The following CPQ variants were observed in gnomAD, a reference collection of about 807,000 sequenced individuals.
CPQ encodes carboxypeptidase Q.
In CPQ, 37 loss-of-function variants were observed where a neutral mutation model predicts 45.7. That is an observed-to-expected ratio of 0.81 (90% CI 0.62 to 1.07). The LOEUF (loss-of-function observed/expected upper bound fraction) is 1.07, where lower values mean the gene tolerates loss of function less well. Ranked by LOEUF, CPQ falls within the 50% of genes least tolerant of loss-of-function variation. The pLI, the probability that CPQ is intolerant of heterozygous loss-of-function variation, is 0.00. For missense variants in CPQ, 537 were observed against 572.9 expected (o/e 0.94, Z 0.64); for synonymous variants, 186 against 205.8 (o/e 0.90, Z 0.82).
intron 5 of CPQ, among the ~76,000 whole-genome samples, chr8:97,016,253 T>C (rs1399347229): frequency 6.6e-6 from 1 of 152,192 alleles, no homozygotes; most frequent in Admixed American, 6.5e-5. Flanking sequence ...CCAGCTGTGC[T>C]ACAAAAGTAG....
intron 1 of CPQ, among the ~76,000 whole-genome samples, chr8:96,722,247 G>C (rs1396568031): frequency 6.6e-6 from 1 of 152,044 alleles, no homozygotes; most frequent in Non-Finnish European, 1.5e-5. Flanking sequence ...TAAATATATA[G>C]GATAACTCTT....
intron 7 of CPQ, among the ~76,000 whole-genome samples, chr8:97,128,527 A>G (rs1487746085): frequency 6.6e-6 from 1 of 152,198 alleles, no homozygotes; most frequent in Non-Finnish European, 1.5e-5. Context: ...TCTACTAAAA[A>G]TACAAAAATT....
chr8:96,882,950 C>T (rs751400767), intron 4 of CPQ, among the ~76,000 whole-genome samples: 5 of 152,138 alleles, frequency 3.3e-5, no homozygotes, highest in Non-Finnish European at 5.9e-5. Context: ...ACCACCCTGC[C>T]CTGGCAGCCA....
intron 7 of CPQ, among the ~76,000 whole-genome samples, chr8:97,082,598 T>TC (rs1810969293): frequency 6.6e-6 from 1 of 152,156 alleles, no homozygotes; most frequent in South Asian, 2.1e-4. Context: ...ACCTAGTCTC[T>TC]CCACTCTCCA....
At chr8:96,693,817 A>G (rs553243194) in intron 1 of CPQ, among the ~76,000 whole-genome samples, 1 of 152,296 alleles carries the variant, frequency 6.6e-6, no homozygotes, top group South Asian at 2.1e-4. Flanking sequence ...AAAAAATGGA[A>G]TATTATAACA....
intron 6 of CPQ, among the ~76,000 whole-genome samples, chr8:97,045,637 A>G (rs1810240454): frequency 6.6e-6 from 1 of 152,052 alleles, no homozygotes; most frequent in African/African-American, 2.4e-5. Flanking sequence ...TTGGCTCAGT[A>G]TTTCTTTTTT....
rs1276533503 is a variant in CPQ at position 96,961,359 on chromosome 8, C to T, written c.850-4576C>T. ...TTCATAATTTCTTTTCTGTGAAATG[C>T]CTCTTTATGTGTTTTGCCTATTTGC... is the stretch of plus-strand genomic sequence containing the variant. On this transcript the variant is annotated intron_variant, in intron 4 of 7. Transcript: ENST00000220763. Among the ~76,000 whole-genome samples the T allele has an allele frequency of 2.6e-5, 4 of 152,146 alleles. No homozygotes were observed. The East Asian group carries it at 7.7e-4, about 29-fold the overall frequency.
intron 1 of CPQ, among the ~76,000 whole-genome samples, chr8:96,709,275 A>T (rs1809576665): frequency 6.6e-6 from 1 of 151,886 alleles, no homozygotes; most frequent in Non-Finnish European, 1.5e-5. Flanking sequence ...GAGTCTCCAA[A>T]ATCCATTATA....
At chr8:96,722,283 T>TCA (rs1486309941) in intron 1 of CPQ, among the ~76,000 whole-genome samples, 1 of 152,238 alleles carries the variant, frequency 6.6e-6, no homozygotes, top group Non-Finnish European at 1.5e-5. Flanking sequence ...CTTTACTTTT[T>TCA]GAGGCTACAT....
chr8:96,705,424 C>A (rs141465315), intron 1 of CPQ, among the ~76,000 whole-genome samples: 272 of 152,260 alleles, frequency 1.8e-3, no homozygotes, highest in African/African-American at 6.4e-3. Flanking sequence ...TTCCTCACAG[C>A]CTCTTCTATG....
At chr8:96,833,482 A>G (rs193258442) in intron 2 of CPQ, among the ~76,000 whole-genome samples, 265 of 152,270 alleles carry the variant, frequency 1.7e-3, no homozygotes, top group Middle Eastern at 6.8e-3. Context: ...TGAGTGGACT[A>G]TCGAACCTGT....
At chr8:97,111,351 T>C (rs1035922090) in intron 7 of CPQ, among the ~76,000 whole-genome samples, 3 of 152,152 alleles carry the variant, frequency 2.0e-5, no homozygotes, top group African/African-American at 4.8e-5. Context: ...TTCTCTCCCA[T>C]GAATTATTAC....
chr8:97,131,101 T>C (rs1811947567), intron 7 of CPQ, among the ~76,000 whole-genome samples: 1 of 152,246 alleles, frequency 6.6e-6, no homozygotes. Context: ...TCAAGGATTA[T>C]GGTTTGAAGC....
chr8:96,790,460 G>A (rs901285781), intron 2 of CPQ, among the ~76,000 whole-genome samples: 4 of 152,162 alleles, frequency 2.6e-5, no homozygotes, highest in Admixed American at 2.6e-4. Flanking sequence ...GACTTGGGTA[G>A]AGGAATGGCA....
At chr8:96,839,113 T>A (rs1022010078) in intron 3 of CPQ, among the ~76,000 whole-genome samples, 29 of 150,778 alleles carry the variant, frequency 1.9e-4, no homozygotes, top group Non-Finnish European at 2.8e-4. Flanking sequence ...ATATATATAT[T>A]ATGATTTGTT....
intron 1 of CPQ, among the ~76,000 whole-genome samples, chr8:96,725,896 A>G (rs1809831419): frequency 6.6e-6 from 1 of 152,194 alleles, no homozygotes; most frequent in Admixed American, 6.5e-5. Flanking sequence ...ATGGAATACT[A>G]CACAGCCATA....
At chr8:97,041,579 G>A (rs1810126456) in intron 6 of CPQ, among the ~76,000 whole-genome samples, 1 of 152,186 alleles carries the variant, frequency 6.6e-6, no homozygotes, top group South Asian at 2.1e-4. Context: ...CAAAGGGAAT[G>A]CTTCCAGTTT....
At chr8:97,052,231 G>A (rs1810376510) in intron 6 of CPQ, among the ~76,000 whole-genome samples, 1 of 152,008 alleles carries the variant, frequency 6.6e-6, no homozygotes, top group South Asian at 2.1e-4. Flanking sequence ...TTCAATACAG[G>A]TACCTATTTG....
chr8:97,046,398 AG>A (rs1327685846), intron 6 of CPQ, among the ~76,000 whole-genome samples: 1 of 152,026 alleles, frequency 6.6e-6, no homozygotes, highest in African/African-American at 2.4e-5. Flanking sequence ...TTTTGGTTTC[AG>A]GGTTGTCTTA....
Sources: allele counts gnomAD v4.1 joint callset (sites outside exome capture counted in the v4.1 genomes callset), GRCh38; gene constraint gnomAD v4.1.1; transcripts MANE v1.5; gene names NCBI Gene and HGNC (gene_info 2026-07-23, HGNC 2026-07-21).